STPG2: variants seen among roughly 807,000 people sequenced by gnomAD.
STPG2 encodes the protein sperm tail PG-rich repeat containing 2, also known as sperm-tail PG-rich repeat-containing protein 2.
STPG2 carries 56 observed loss-of-function variants against 54.2 expected under a neutral mutation model. The observed-to-expected ratio is 1.03, with a 90% CI of 0.83 to 1.29. STPG2 has a LOEUF of 1.29. Ranked by LOEUF, STPG2 falls within the 50% of genes most tolerant of loss-of-function variation. The pLI is 0.00. For missense variants in STPG2, 596 were observed against 544.9 expected, an observed-to-expected ratio of 1.09 and a Z score of -0.93; for synonymous variants, 200 against 181.8, an observed-to-expected ratio of 1.10 and a Z score of -0.81.
chr4:98,018,462 G>C (rs763248626), intron 5 of STPG2, among the ~76,000 whole-genome samples: 1 of 152,110 alleles, frequency 6.6e-6, no homozygotes, highest in Non-Finnish European at 1.5e-5. Flanking sequence ...ATTGTGAGTA[G>C]TGCCACAATA....
chr4:97,459,189 G>A (rs554805490), intron 4 of STPG2, among the ~76,000 whole-genome samples: 4 of 151,908 alleles, frequency 2.6e-5, no homozygotes, highest in East Asian at 1.9e-4. Flanking sequence ...AGAGAGAGAC[G>A]CCCACACAAA....
chr4:97,831,711 A>G (rs1328001363), intron 9 of STPG2, among the ~76,000 whole-genome samples: 4 of 152,228 alleles, frequency 2.6e-5, no homozygotes, highest in Non-Finnish European at 4.4e-5. Context: ...CCACAAAAAT[A>G]CAAACTACCA....
At chr4:97,470,454 A>G (rs1424463793) in intron 4 of STPG2, among the ~76,000 whole-genome samples, 1 of 152,122 alleles carries the variant, frequency 6.6e-6, no homozygotes, top group Non-Finnish European at 1.5e-5. Context: ...ATTATACAAC[A>G]TGTAATCTTT....
In STPG2 at chr4:97,864,755, T is replaced by C. The variant is rs539984369; in HGVS notation, c.1045-23823A>G. Reference sequence around the variant, plus strand: ...GTACCAAAACATAGATATAGACCAATGGAACAGAACAGAGCCCTCAGAAGT... The same window carrying C: ...GTACCAAAACATAGATATAGACCAACGGAACAGAACAGAGCCCTCAGAAGT... On this transcript the variant is annotated intron_variant, in intron 8 of 10. Transcript: ENST00000295268. Among the ~76,000 whole-genome samples, 62 of 151,988 alleles carry C rather than the reference T, an allele frequency of 4.1e-4. No homozygotes were observed. The South Asian group carries it at 0.012, about 31-fold the overall frequency.
chr4:97,924,121 T>C (rs1029196115), intron 8 of STPG2, among the ~76,000 whole-genome samples: 2 of 152,138 alleles, frequency 1.3e-5, no homozygotes, highest in African/African-American at 4.8e-5. Context: ...GGTCTGCAGC[T>C]TCACTCCTGA....
At chr4:97,874,720 G>GC (rs929868696) in intron 8 of STPG2, among the ~76,000 whole-genome samples, 3 of 151,532 alleles carry the variant, frequency 2.0e-5, no homozygotes, top group Admixed American at 6.6e-5. Context: ...GACTCAATGT[G>GC]CCCCCCCAAA....
At chr4:98,004,970 TA>T (rs70953102) in intron 5 of STPG2, among the ~76,000 whole-genome samples, 2,427 of 142,192 alleles carry the variant, frequency 0.017, 64 homozygotes, top group African/African-American at 0.054. Flanking sequence ...TCTTTGCTGT[TA>T]AAAAAAAAAA....
intron 5 of STPG2, among the ~76,000 whole-genome samples, chr4:98,015,066 T>C (rs1378263967): frequency 1.3e-5 from 2 of 152,212 alleles, no homozygotes; most frequent in Non-Finnish European, 2.9e-5. Context: ...AATTTGATTA[T>C]ACAAGACTTA....
chr4:97,547,217 T>C (rs1190522017), intron 4 of STPG2, among the ~76,000 whole-genome samples: 1 of 151,826 alleles, frequency 6.6e-6, no homozygotes, highest in African/African-American at 2.4e-5. Flanking sequence ...AGAAACTTTT[T>C]TTTTTTTTTT....
chr4:97,718,507 G>T (rs186708324), intron 9 of STPG2, among the ~76,000 whole-genome samples: 1 of 152,014 alleles, frequency 6.6e-6, no homozygotes, highest in Admixed American at 6.5e-5. Flanking sequence ...ATTAAGCAAA[G>T]ATTAATATTT....
intron 1 of STPG2, among the ~76,000 whole-genome samples, chr4:98,136,351 A>G (rs953435374): frequency 7.2e-5 from 11 of 151,778 alleles, no homozygotes; most frequent in African/African-American, 2.7e-4. Flanking sequence ...CATGTAATAT[A>G]CGTAACCTAT....
intron 10 of STPG2, among the ~76,000 whole-genome samples, chr4:97,627,993 C>G (rs1734178335): frequency 6.6e-6 from 1 of 152,040 alleles, no homozygotes; most frequent in African/African-American, 2.4e-5. Context: ...TGAATGAGAC[C>G]CGCCCACATT....
chr4:98,110,461 C>T (rs990818287), intron 3 of STPG2, among the ~76,000 whole-genome samples: 1 of 152,104 alleles, frequency 6.6e-6, no homozygotes, highest in African/African-American at 2.4e-5. Flanking sequence ...GTGTACAACT[C>T]CAGTAAACAC....
intron 4 of STPG2, among the ~76,000 whole-genome samples, chr4:97,527,628 G>T (rs1427260813): frequency 6.6e-6 from 1 of 152,122 alleles, no homozygotes; most frequent in Non-Finnish European, 1.5e-5. Flanking sequence ...GGGTAAAATT[G>T]TTCCTATTTA....
At chr4:97,467,744 A>G (rs1729823271) in intron 4 of STPG2, among the ~76,000 whole-genome samples, 2 of 151,924 alleles carry the variant, frequency 1.3e-5, no homozygotes, top group South Asian at 4.1e-4. Flanking sequence ...GGCTAATGCA[A>G]AATAATTAGA....
At chr4:97,913,521 C>A (rs143538175) in intron 8 of STPG2, among the ~76,000 whole-genome samples, 1 of 152,110 alleles carries the variant, frequency 6.6e-6, no homozygotes, top group Non-Finnish European at 1.5e-5. Flanking sequence ...ACCTATAGAA[C>A]AGCTCCTCCT....
rs568133245 is a variant in STPG2 at position 97,541,104 on chromosome 4, TG to T, written c.462+171594del. Among the ~76,000 whole-genome samples the T allele has an allele frequency of 2.6e-4, 39 of 152,318 alleles. No homozygotes were observed. In the East Asian group the frequency reaches 7.3e-3, roughly 29 times the overall value. On this transcript the variant is annotated intron_variant, in intron 4 of 4. Coordinates refer to the STPG2 transcript ENST00000522676. Reference sequence around the variant, plus strand: ...TCAACACTCCTATTCAAAATAGTGTTGGAAGTTCCGGCCAGGGCAATCAGGC... The same window carrying T: ...TCAACACTCCTATTCAAAATAGTGTTGAAGTTCCGGCCAGGGCAATCAGGC...
chr4:97,893,479 T>C (rs1730844638), intron 8 of STPG2, among the ~76,000 whole-genome samples: 1 of 152,066 alleles, frequency 6.6e-6, no homozygotes, highest in Non-Finnish European at 1.5e-5. Flanking sequence ...TCAGGGCTGA[T>C]ATAACACTCC....
intron 4 of STPG2, among the ~76,000 whole-genome samples, chr4:97,448,185 G>C (rs1468995097): frequency 6.6e-6 from 1 of 152,178 alleles, no homozygotes; most frequent in African/African-American, 2.4e-5. Flanking sequence ...TATCTTGGAA[G>C]TAACTAACTT....
Sources: allele counts gnomAD v4.1 joint callset (sites outside exome capture counted in the v4.1 genomes callset), GRCh38; gene constraint gnomAD v4.1.1; transcripts MANE v1.5; gene names NCBI Gene and HGNC (gene_info 2026-07-23, HGNC 2026-07-21).